SPATA13: variants seen among roughly 807,000 people sequenced by gnomAD.
The protein encoded by SPATA13 is spermatogenesis associated 13, also known as spermatogenesis-associated protein 13.
In SPATA13, 50 loss-of-function variants were observed where a neutral mutation model predicts 104.0. That is an observed-to-expected ratio of 0.48 (90% CI 0.38 to 0.61). SPATA13 has a LOEUF of 0.61. SPATA13 is among the 20% of genes least tolerant of loss of function. The pLI is 0.00. For missense variants in SPATA13, 1,524 were observed against 1,690.6 expected, an observed-to-expected ratio of 0.90 and a Z score of 1.73; for synonymous variants, 606 against 667.5, an observed-to-expected ratio of 0.91 and a Z score of 1.42.
chr13:24,175,314 G>A (rs1358321859), intron 1 of SPATA13, among the ~76,000 whole-genome samples: 1 of 152,076 alleles, frequency 6.6e-6, no homozygotes, highest in African/African-American at 2.4e-5. Flanking sequence ...TTGGATAGCA[G>A]ATAACTTGAA....
intron 3 of SPATA13, among the ~76,000 whole-genome samples, chr13:24,082,249 T>C (rs1219110436): frequency 2.0e-5 from 3 of 152,236 alleles, no homozygotes; most frequent in East Asian, 3.8e-4. Context: ...AGCTACTCTC[T>C]CATAAGCACG....
intron 2 of SPATA13, among the ~76,000 whole-genome samples, chr13:24,231,494 T>C (rs954018381): frequency 6.6e-6 from 1 of 152,204 alleles, no homozygotes; most frequent in Non-Finnish European, 1.5e-5. Flanking sequence ...CACTTTGTTA[T>C]CTGTTCATCT....
intron 2 of SPATA13, among the ~76,000 whole-genome samples, chr13:24,241,262 T>TTGTGCC (rs1186327943): frequency 6.6e-6 from 1 of 152,230 alleles, no homozygotes; most frequent in Non-Finnish European, 1.5e-5. Context: ...ACTTCCAGTA[T>TTGTGCC]TGTGCCTGGT....
rs1477458306 is a variant in SPATA13 at position 24,161,038 on chromosome 13, G to A, written c.-112+106G>A. On this transcript the variant is annotated intron_variant, in intron 1 of 12. Coordinates refer to ENST00000382108, the MANE Select transcript of SPATA13 (RefSeq NM_001166271.3). The surrounding 1 kb of genome is among the most constrained non-coding windows in gnomAD (Gnocchi z 4.5). ...CCCAGTGGACTGCCTCGGGGCTTCG[G>A]GATGTCCAGCTCCCAGCTGCTTGGC... 1.4e-6 allele frequency: 1 copy of A among 690,784 alleles called. No homozygotes were observed. The highest frequency in any genetic ancestry group is 1.8e-6 in the Non-Finnish European group (1 of 560,526). 42.8% of individuals were successfully genotyped at this position (690,784 alleles called of 1,614,324 possible).
intron 3 of SPATA13, chr13:24,122,510 C>G (rs993356492): frequency 2.4e-5 from 39 of 1,606,724 alleles, no homozygotes; most frequent in Non-Finnish European, 3.2e-5. Flanking sequence ...TCAATATCAT[C>G]TTCATCACTC....
Position 24,249,524 on chromosome 13 carries a change from A to G in SPATA13, c.1701A>G (p.Glu567=), listed in dbSNP as rs762499134. Residue 567 remains glutamate (E), a synonymous_variant, in exon 3 of 13, where the codon GAA becomes GAG. Coordinates refer to ENST00000382108, the MANE Select transcript of SPATA13 (RefSeq NM_001166271.3). The stretch of plus-strand genomic sequence containing the variant: ...GGCGAAGCTCATCACAGGATGAGGA[A>G]AGGACAGAGGCACAGAGAACCCCCA... ...PWRRSSSQDE[E]RTEAQRTPKR... is the part of the protein sequence containing the mutation. 1.2e-6 allele frequency: 2 copies of G among 1,607,258 alleles called. No homozygotes were observed. The highest frequency in any genetic ancestry group is 2.2e-5 in the South Asian group (2 of 90,462).
intron 3 of SPATA13, among the ~76,000 whole-genome samples, chr13:24,250,724 G>T: frequency 6.6e-6 from 1 of 152,156 alleles, no homozygotes; most frequent in East Asian, 1.9e-4. Flanking sequence ...AAATTGAATT[G>T]ATTTCTTAAG....
At chr13:24,186,446 G>A (rs1187641211) in intron 1 of SPATA13, among the ~76,000 whole-genome samples, 1 of 152,152 alleles carries the variant, frequency 6.6e-6, no homozygotes, top group Non-Finnish European at 1.5e-5. Context: ...AACCAAGAGG[G>A]AACATCAGCC....
intron 3 of SPATA13, among the ~76,000 whole-genome samples, chr13:24,094,941 T>C (rs1259479943): frequency 1.3e-5 from 2 of 152,228 alleles, no homozygotes; most frequent in Non-Finnish European, 2.9e-5. Flanking sequence ...ATTGGAACCC[T>C]TGTGTGCTAT....
Position 24,011,655 on chromosome 13 carries a change from C to T in SPATA13, c.-146-6012C>T, listed in dbSNP as rs942354663. Among the ~76,000 whole-genome samples, 1 of 152,236 alleles carries T rather than the reference C, an allele frequency of 6.6e-6. No individual in the cohort carries two copies. Among genetic ancestry groups the T allele is most frequent in the African/African-American group, 2.4e-5 (1 of 41,458 alleles). On this transcript the variant is annotated intron_variant, in intron 2 of 14. Coordinates refer to the SPATA13 transcript ENST00000424834. The surrounding 1 kb of genome is among the most constrained non-coding windows in gnomAD (Gnocchi z 4.3). ...CACTGGCCCTGTCTTGCTTTCTTCTCTTGGTGTGGCTGAAAACACCAGGCT... is the reference window on the plus strand; with the variant it reads ...CACTGGCCCTGTCTTGCTTTCTTCTTTTGGTGTGGCTGAAAACACCAGGCT...
intron 1 of SPATA13, among the ~76,000 whole-genome samples, chr13:24,174,146 G>A (rs1188491760): frequency 1.3e-5 from 2 of 152,154 alleles, no homozygotes; most frequent in Non-Finnish European, 2.9e-5. Flanking sequence ...TAATGGTTAA[G>A]GGCTGTTGAA....
At position 24,248,046 on chromosome 13, in the gene SPATA13, C is replaced by A. The variant is rs191914202; in HGVS notation, c.1654-1431C>A. Among the ~76,000 whole-genome samples, 11 of 152,314 alleles carry A rather than the reference C, an allele frequency of 7.2e-5. 1 individual carries two copies. The highest frequency in any genetic ancestry group is 3.3e-4 in the Admixed American group (5 of 15,306). ...CCTGGGCCCATGGCCTGACTGACAG[C>A]CCTTTTTGTTTATATCTGTAGGTAA... On this transcript the variant is annotated intron_variant, in intron 2 of 12. Transcript: ENST00000382108.
rs188834960 is a variant in SPATA13, at chr13:24,236,185, G to A, written c.1653+11603G>A. Reference sequence around the variant, plus strand: ...CCATTTATTAGCCTCCTCATCTCTTGAGGAATCACTTAATCTTTCTTATCT... The same window carrying A: ...CCATTTATTAGCCTCCTCATCTCTTAAGGAATCACTTAATCTTTCTTATCT... On this transcript the variant is annotated intron_variant, in intron 2 of 12. Coordinates refer to ENST00000382108, the MANE Select transcript of SPATA13 (RefSeq NM_001166271.3). Among the ~76,000 whole-genome samples the A allele has an allele frequency of 2.4e-3, 365 of 152,278 alleles. 4 individuals are homozygous for A. The highest frequency in any genetic ancestry group is 8.4e-3 in the African/African-American group (348 of 41,550).
upstream of SPATA13, among the ~76,000 whole-genome samples, chr13:24,158,668 T>C (rs1301269343): frequency 6.6e-6 from 1 of 152,220 alleles, no homozygotes; most frequent in Non-Finnish European, 1.5e-5. Flanking sequence ...GAAAAAAATA[T>C]TTTTTAAAAC....
rs531294121 is a variant in SPATA13 at position 24,301,009 on chromosome 13, C to A, written c.3658+534C>A. On this transcript the variant is annotated intron_variant, in intron 12 of 12. Transcript: ENST00000382108. ...GCGGTGATTCCCTAATCTCCATGCA[C>A]ATTAGAATTCCCTGGGGAAGCTGTT... Among the ~76,000 whole-genome samples, 11 of 152,262 alleles carry A rather than the reference C, an allele frequency of 7.2e-5. No individual in the cohort carries two copies. In the South Asian group the frequency reaches 1.9e-3, roughly 26 times the overall value.
intron 1 of SPATA13, among the ~76,000 whole-genome samples, chr13:24,183,569 C>T (rs151023735): frequency 1.1e-4 from 17 of 151,694 alleles, no homozygotes; most frequent in African/African-American, 3.1e-4. Flanking sequence ...AACACAAATT[C>T]GTAAACTTTC....
rs1287755776 is a variant in SPATA13 at position 24,173,502 on chromosome 13, G to A, written c.-112+12570G>A. 1.2e-4 allele frequency among the ~76,000 whole-genome samples: 16 copies of A among 138,838 alleles called. No homozygotes were observed. In the South Asian group the frequency reaches 2.3e-3, roughly 20 times the overall value. 91.1% of individuals were successfully genotyped at this position (138,838 alleles called of 152,430 possible). ...ATCCATACGCCTTTTATTCCCCCCCGTCCCCCAACTTTTTTTTTTTTTTGG... is the reference window on the plus strand; with the variant it reads ...ATCCATACGCCTTTTATTCCCCCCCATCCCCCAACTTTTTTTTTTTTTTGG... On this transcript the variant is annotated intron_variant, in intron 1 of 12. Transcript: ENST00000382108.
intron 3 of SPATA13, among the ~76,000 whole-genome samples, chr13:24,121,064 A>G (rs1881018040): frequency 1.3e-5 from 2 of 152,272 alleles, no homozygotes; most frequent in African/African-American, 2.4e-5. Context: ...GATTGCATAT[A>G]TAGATGTTCA....
rs1881681763 is a variant in SPATA13 at position 24,139,479 on chromosome 13, G to A, written c.-111-83340G>A. Among the ~76,000 whole-genome samples the A allele has an allele frequency of 2.0e-5, 3 of 152,318 alleles. No individual in the cohort carries two copies. The South Asian group carries it at 6.2e-4, about 32-fold the overall frequency. On this transcript the variant is annotated intron_variant, in intron 3 of 14. Transcript: ENST00000424834. ...TCCTCTGGGATTGTATCACTGGCAG[G>A]TGACTGGTACAATTGCAGAGGAGAA...
Sources: allele counts gnomAD v4.1 joint callset (sites outside exome capture counted in the v4.1 genomes callset), GRCh38; gene constraint gnomAD v4.1.1; non-coding constraint Gnocchi (gnomAD v3.1); transcripts MANE v1.5; gene names NCBI Gene and HGNC (gene_info 2026-07-23, HGNC 2026-07-21).